KRT2: variants seen among roughly 807,000 people sequenced by gnomAD.
KRT2 encodes keratin, type II cytoskeletal 2 epidermal.
A neutral mutation model predicts 48.5 loss-of-function variants in KRT2; 37 were observed. That is an observed-to-expected ratio of 0.76 (90% CI 0.59 to 1.00). The LOEUF (loss-of-function observed/expected upper bound fraction) is 1.00, where lower values mean the gene tolerates loss of function less well. Among genes scored for constraint, KRT2 ranks in the 50% least tolerant of loss-of-function variants. KRT2 has a pLI of 0.00. For synonymous variants in KRT2, 324 were observed against 312.2 expected, an observed-to-expected ratio of 1.04 and a Z score of -0.40; for missense variants, 880 against 815.2, an observed-to-expected ratio of 1.08 and a Z score of -0.97.
At position 52,652,163 on chromosome 12, in the gene KRT2, A is replaced by G. The variant is rs1941265607; in HGVS notation, c.-21T>C. The G allele has an allele frequency of 2.7e-6, 4 of 1,506,610 alleles. No homozygotes were observed. The African/African-American group carries it at 5.5e-5, about 21-fold the overall frequency. The allele number at this position is 1,506,610 out of a possible 1,614,324, so 93.3% of individuals were successfully genotyped here. A position where few individuals can be genotyped will look rare whatever the true frequency, so the allele number is the denominator to read the frequency against. On this transcript the variant is annotated 5_prime_UTR_variant, in exon 1 of 9. Transcript: ENST00000309680. Reference sequence around the variant, plus strand: ...CTCATGATGCCTTTGTCCAGGGAGGAAAGTCACAGGCTCTTGAGAAGAGTC... The same window carrying G: ...CTCATGATGCCTTTGTCCAGGGAGGGAAGTCACAGGCTCTTGAGAAGAGTC...
At chr12:52,645,792 A>T (rs1592255108) in intron 7 of KRT2, among the ~76,000 whole-genome samples, 1 of 152,234 alleles carries the variant, frequency 6.6e-6, no homozygotes, top group African/African-American at 2.4e-5. Context: ...TTTTGCTCTG[A>T]TAAAAAATGA....
In KRT2 at chr12:52,644,926, A is replaced by G; in HGVS notation, c.*93T>C. The G allele has an allele frequency of 7.2e-7, 1 of 1,391,190 alleles. No homozygotes were observed. Among genetic ancestry groups the G allele is most frequent in the Non-Finnish European group, 1.0e-6 (1 of 992,322 alleles). The allele number at this position is 1,391,190 out of a possible 1,614,324, so 86.2% of individuals were successfully genotyped here. The stretch of plus-strand genomic sequence containing the variant: ...ATCAGAGATAAATGACAAAAATTTA[A>G]CTTGCTGCCAGTTAGAGGTACAGAG... On this transcript the variant is annotated 3_prime_UTR_variant, in exon 9 of 9. Transcript: ENST00000309680.
Position 52,645,272 on chromosome 12 carries a change from C to T in KRT2, c.1667G>A (p.Gly556Asp). 11 of 1,614,104 alleles carry T rather than the reference C, an allele frequency of 6.8e-6. No individual in the cohort carries two copies. Among genetic ancestry groups the T allele is most frequent in the African/African-American group, 2.7e-5 (2 of 75,020 alleles). Residue 556 changes from glycine to aspartate, a missense_variant, in exon 9 of 9, where the codon GGT becomes GAT. Gly to Asp is a moderately conservative substitution (Grantham distance 94, BLOSUM62 -1). Transcript: ENST00000309680. Reference sequence around the variant, plus strand: ...GCCATATCCTCCTCCAGAGATAGAACCTCCTCCTCCACTACCGCCTCTGGA... The same window carrying T: ...GCCATATCCTCCTCCAGAGATAGAATCTCCTCCTCCACTACCGCCTCTGGA... The part of the protein sequence containing the change: ...SGSRGGSGGG[G>D]SISGGGYGSG...
intron 5 of KRT2, 37 bp from the exon 6 acceptor site, chr12:52,647,892 T>G (rs376148217): frequency 3.1e-6 from 5 of 1,613,624 alleles, no homozygotes; most frequent in Middle Eastern, 1.6e-4. Context: ...GCAAGGAAGT[T>G]CCAGCCTGGC....
chr12:52,647,932 GA>G (rs1941192857), intron 5 of KRT2, 77 bp from the exon 6 acceptor site: 1 of 1,588,204 alleles, frequency 6.3e-7, no homozygotes. Context: ...GAGTGAAGGA[GA>G]GCTGGTTACT....
In KRT2 at chr12:52,645,243, C is replaced by G; in HGVS notation, c.1696G>C (p.Gly566Arg). ...GSISGGGYGSGGGSGGRYGSG... is the reference protein window; with the variant it reads ...GSISGGGYGSRGGSGGRYGSG... ...CCGTATCTTCCTCCAGAACCACCGC[C>G]AGAGCCATATCCTCCTCCAGAGATA... Residue 566 changes from glycine (G) to arginine (R), a missense_variant, in exon 9 of 9, where the codon GGC becomes CGC. Transcript: ENST00000309680. The G allele has an allele frequency of 6.2e-7, 1 of 1,614,130 alleles. No homozygotes were observed. The highest frequency in any genetic ancestry group is 1.3e-5 in the African/African-American group (1 of 75,022).
At position 52,651,812 on chromosome 12, in the gene KRT2, C is replaced by A; in HGVS notation, c.331G>T (p.Gly111Cys). The part of the protein sequence containing the change: ...SFGGGSGFSG[G>C]GFGGGGFGGG... ...CCAAAGCCGCCTCCACCGAAACCAC[C>A]ACCACTGAAGCCGCTGCCACCTCCA... is the stretch of plus-strand genomic sequence containing the variant. The change falls in exon 1 of 9, where the codon GGT becomes TGT. Residue 111 changes from glycine to cysteine, a missense_variant. By Grantham distance (159) the Gly-to-Cys change is radical. Coordinates refer to ENST00000309680, the MANE Select transcript of KRT2 (RefSeq NM_000423.3). 1 of 1,605,438 alleles carries A rather than the reference C, an allele frequency of 6.2e-7. No individual in the cohort carries two copies. Among genetic ancestry groups the A allele is most frequent in the Non-Finnish European group, 8.5e-7 (1 of 1,175,094 alleles).
chr12:52,649,119 G>A lies in KRT2; in HGVS notation c.862-17C>T, dbSNP rs371936934. The A allele has an allele frequency of 7.2e-6, 11 of 1,521,732 alleles. No individual in the cohort carries two copies. In the African/African-American group the frequency reaches 1.5e-4, roughly 21 times the overall value. The allele number at this position is 1,521,732 out of a possible 1,614,324, so 94.3% of individuals were successfully genotyped here. A position where few individuals can be genotyped will look rare whatever the true frequency, so the allele number is the denominator to read the frequency against. On this transcript the variant is annotated splice_polypyrimidine_tract_variant and intron_variant, in intron 3 of 8. Transcript: ENST00000309680. ...GTCCACGTCCTGCAAGAAAGGTTGA[G>A]GCCTCTGGTGTATGGTTCCCTGTAC... is the stretch of plus-strand genomic sequence containing the variant.
Position 52,647,084 on chromosome 12 carries a change from C to T in KRT2, c.1249-124G>A, listed in dbSNP as rs114914143. ...TGTTAGGTCCCCTCTGGAGTTTAGT[C>T]GCAAACAACTGTGCTAAGACTTGCC... On this transcript the variant is annotated intron_variant, in intron 6 of 8. Transcript: ENST00000309680. 3.8e-5 allele frequency: 32 copies of T among 842,850 alleles called. No individual in the cohort carries two copies. In the African/African-American group the frequency reaches 4.6e-4, roughly 12 times the overall value. The allele number at this position is 842,850 out of a possible 1,614,324, so 52.2% of individuals were successfully genotyped here. A position where few individuals can be genotyped will look rare whatever the true frequency, so the allele number is the denominator to read the frequency against.
Position 52,651,842 on chromosome 12 carries a change from T to TGCCTCCTCCAAAGCC in KRT2, c.300_301insGGCTTTGGAGGAGGC (p.Ser100_Ser101insGlyPheGlyGlyGly). The TGCCTCCTCCAAAGCC allele has an allele frequency of 6.3e-7, 1 of 1,595,324 alleles. No individual in the cohort carries two copies. Among genetic ancestry groups the TGCCTCCTCCAAAGCC allele is most frequent in the Non-Finnish European group, 8.5e-7 (1 of 1,171,644 alleles). On this transcript the variant is annotated inframe_insertion, in exon 1 of 9. Transcript: ENST00000309680. Reference sequence around the variant, plus strand: ...CTGAAGCCGCTGCCACCTCCAAAGCTGCTGCCGCCTCCAAAACCACCTCCT... The same window carrying TGCCTCCTCCAAAGCC: ...CTGAAGCCGCTGCCACCTCCAAAGCTGCCTCCTCCAAAGCCGCTGCCGCCTCCAAAACCACCTCCT...
At chr12:52,648,716 G>A (rs150670152) in intron 4 of KRT2, among the ~76,000 whole-genome samples, 13 of 152,292 alleles carry the variant, frequency 8.5e-5, no homozygotes, top group Admixed American at 3.3e-4. Flanking sequence ...AGTAGGCACA[G>A]GAATGGGCAC....
chr12:52,646,658 C>T (rs1212528797), intron 7 of KRT2, 82 bp downstream of exon 7: 1 of 1,504,518 alleles, frequency 6.6e-7, no homozygotes, highest in Non-Finnish European at 9.2e-7. Flanking sequence ...TCTCTGCTTT[C>T]CCTGTCTTTG....
At chr12:52,649,881 C>G (rs878856468) in intron 3 of KRT2, 33 bp downstream of exon 3, 1 of 1,567,524 alleles carries the variant, frequency 6.4e-7, no homozygotes. Flanking sequence ...GCACTCCTAT[C>G]CCCACCCCCA....
rs1941201740 is a variant in KRT2, at chr12:52,648,440, A to G, written c.958-103T>C. On this transcript the variant is annotated intron_variant, in intron 4 of 8. Coordinates refer to ENST00000309680, the MANE Select transcript of KRT2 (RefSeq NM_000423.3). ...AAGGGAAACGCAGACCCTCAGACTA[A>G]GCATACACTAGGTGGGATGAAAATC... 4.3e-6 allele frequency: 4 copies of G among 936,776 alleles called. No homozygotes were observed. In the South Asian group the frequency reaches 5.2e-5, roughly 12 times the overall value. The allele number at this position is 936,776 out of a possible 1,614,324, so 58.0% of individuals were successfully genotyped here.
rs753684017 is a variant in KRT2 at position 52,651,945 on chromosome 12, A to C, written c.198T>G (p.Leu66=). ...TAATGGAGATGCTCTTGGTCCCTCC[A>C]AGGCCAACAAGACTCCGACTGCCAA... The part of the protein sequence containing the change: ...GGFGSRSLVG[L]GGTKSISISV... The change falls in exon 1 of 9, where the codon CTT becomes CTG. Residue 66 remains leucine (L), a synonymous_variant. Coordinates refer to ENST00000309680, the MANE Select transcript of KRT2 (RefSeq NM_000423.3). 4.4e-5 allele frequency: 71 copies of C among 1,613,666 alleles called. No individual in the cohort carries two copies. Among genetic ancestry groups the C allele is most frequent in the Non-Finnish European group, 5.7e-5 (67 of 1,179,838 alleles).
In KRT2 at chr12:52,647,928, A is replaced by G. The variant is rs1592255969; in HGVS notation, c.1123-73T>C. The G allele has an allele frequency of 3.1e-5, 49 of 1,591,340 alleles. No homozygotes were observed. The East Asian group carries it at 1.1e-3, about 36-fold the overall frequency. ...TCACATTCCAGACTGACTGGAGTGAAGGAGAGCTGGTTACTGGTCCAGGGA... is the reference window on the plus strand; with the variant it reads ...TCACATTCCAGACTGACTGGAGTGAGGGAGAGCTGGTTACTGGTCCAGGGA... On this transcript the variant is annotated intron_variant, in intron 5 of 8. Coordinates refer to ENST00000309680, the MANE Select transcript of KRT2 (RefSeq NM_000423.3).
At chr12:52,645,936 G>T (rs372982618) in intron 7 of KRT2, among the ~76,000 whole-genome samples, 2 of 152,188 alleles carry the variant, frequency 1.3e-5, no homozygotes, top group East Asian at 3.8e-4. Flanking sequence ...ATACAATGAG[G>T]CTGCCTGTGA....
intron 8 of KRT2, 41 bp from the exon 9 acceptor site, chr12:52,645,475 C>T (rs747761597): frequency 3.1e-6 from 5 of 1,613,900 alleles, no homozygotes; most frequent in African/African-American, 1.3e-5. Flanking sequence ...TTATGACTGC[C>T]TCTCCCTGCC....
In KRT2 at chr12:52,652,000, C is replaced by T. The variant is rs1363950058; in HGVS notation, c.143G>A (p.Gly48Asp). 4.3e-6 allele frequency: 7 copies of T among 1,612,116 alleles called. No individual in the cohort carries two copies. Among genetic ancestry groups the T allele is most frequent in the Non-Finnish European group, 5.9e-6 (7 of 1,179,948 alleles). Reference sequence around the variant, plus strand: ...GCCTCCACCGAAGCCCCCGCCACCACCACCATGGCGGCTCAAGCAGGAGAA... The same window carrying T: ...GCCTCCACCGAAGCCCCCGCCACCATCACCATGGCGGCTCAAGCAGGAGAA... ...SSFSCLSRHG[G>D]GGGGFGGGGF... Residue 48 changes from glycine (G) to aspartate (D), a missense_variant, in exon 1 of 9, where the codon GGT (glycine) becomes GAT (aspartate). Transcript: ENST00000309680.
Sources: gnomAD v4.1 joint callset for allele counts (sites outside exome capture counted in the v4.1 genomes callset) on GRCh38, gnomAD v4.1.1 for gene constraint, MANE v1.5 for transcripts, NCBI Gene and HGNC (gene_info 2026-07-23, HGNC 2026-07-21) for gene names.